LRRIQ1: variants seen among roughly 807,000 people sequenced by gnomAD.
The protein encoded by LRRIQ1 is leucine-rich repeat- and IQ domain-containing protein 1.
A neutral mutation model predicts 211.9 loss-of-function variants in LRRIQ1; 210 were observed. That is an observed-to-expected ratio of 0.99 (90% CI 0.89 to 1.11). LRRIQ1 has a LOEUF of 1.11. LRRIQ1 is among the 50% of genes most tolerant of loss of function. The probability of loss-of-function intolerance (pLI) is 0.00; values close to 1 mark genes in which losing one functional copy is unlikely to be tolerated. For synonymous variants in LRRIQ1, 699 were observed against 650.1 expected (o/e 1.08, Z -1.14); for missense variants, 2,136 against 1,939.5 (o/e 1.10, Z -1.90).
chr12:85,068,298 G>A (rs1882662188), intron 10 of LRRIQ1, among the ~76,000 whole-genome samples: 2 of 151,824 alleles, frequency 1.3e-5, no homozygotes, highest in Non-Finnish European at 2.9e-5. Flanking sequence ...TAGAAAGGGT[G>A]TAGATAGAGG....
At position 85,121,878 on chromosome 12, in the gene LRRIQ1, T is replaced by C; in HGVS notation, c.3557+2T>C. 1 of 1,591,318 alleles carries C rather than the reference T, an allele frequency of 6.3e-7. No homozygotes were observed. The highest frequency in any genetic ancestry group is 8.6e-7 in the Non-Finnish European group (1 of 1,168,484). On this transcript the variant is annotated splice_donor_variant, in intron 16 of 26. Transcript: ENST00000393217. LOFTEE classifies it high-confidence loss of function. The stretch of plus-strand genomic sequence containing the variant: ...TGAAAATTATATAACTGGAAAAGGG[T>C]AAGATTGTGATCTTCCCATTGATGT...
At chr12:85,101,501 C>G (rs1460723313) in intron 13 of LRRIQ1, among the ~76,000 whole-genome samples, 1 of 151,688 alleles carries the variant, frequency 6.6e-6, no homozygotes. Flanking sequence ...AAATTTATAT[C>G]TTTTTAATGC....
At chr12:85,233,837 C>T (rs986339276) in intron 26 of LRRIQ1, among the ~76,000 whole-genome samples, 3 of 152,112 alleles carry the variant, frequency 2.0e-5, no homozygotes, top group Non-Finnish European at 4.4e-5. Context: ...TAACACTACA[C>T]ATATTATTGA....
chr12:85,253,659 T>G, intron 1 of LRRIQ1, among the ~76,000 whole-genome samples: 1 of 152,042 alleles, frequency 6.6e-6, no homozygotes, highest in East Asian at 1.9e-4. Context: ...CATAAAATAG[T>G]AGGCCAAAGA....
At chr12:85,074,665 G>A (rs1243903422) in intron 11 of LRRIQ1, among the ~76,000 whole-genome samples, 1 of 151,790 alleles carries the variant, frequency 6.6e-6, no homozygotes, top group Admixed American at 6.6e-5. Context: ...TTTTAAATAA[G>A]AAAATCTTTC....
intron 24 of LRRIQ1, among the ~76,000 whole-genome samples, chr12:85,199,839 G>A (rs886532460): frequency 7.9e-5 from 12 of 152,048 alleles, no homozygotes; most frequent in African/African-American, 2.9e-4. Flanking sequence ...GGGAATTATG[G>A]GGATTACAAT....
chr12:85,158,000 A>G (rs560351860), intron 23 of LRRIQ1, among the ~76,000 whole-genome samples: 1 of 152,062 alleles, frequency 6.6e-6, no homozygotes, highest in South Asian at 2.1e-4. Flanking sequence ...AATAGTATAG[A>G]CAAAACTCTA....
At chr12:85,260,799 G>GA (rs1175454120) in intron 1 of LRRIQ1, among the ~76,000 whole-genome samples, 1 of 152,038 alleles carries the variant, frequency 6.6e-6, no homozygotes, top group Non-Finnish European at 1.5e-5. Context: ...TGTTATCTGG[G>GA]AAAAAATATC....
At chr12:85,060,750 A>G (rs1049451072) in intron 8 of LRRIQ1, among the ~76,000 whole-genome samples, 1 of 151,936 alleles carries the variant, frequency 6.6e-6, no homozygotes, top group Non-Finnish European at 1.5e-5. Context: ...GAAAAAGTAA[A>G]AAAAAAATAA....
intron 24 of LRRIQ1, among the ~76,000 whole-genome samples, chr12:85,174,339 A>G (rs1315960521): frequency 1.3e-5 from 2 of 151,924 alleles, no homozygotes; most frequent in African/African-American, 4.8e-5. Flanking sequence ...AAAATACTAG[A>G]ATAACATACA....
intron 24 of LRRIQ1, among the ~76,000 whole-genome samples, chr12:85,203,914 C>T (rs1893415694): frequency 1.3e-5 from 2 of 152,074 alleles, no homozygotes; most frequent in Non-Finnish European, 2.9e-5. Context: ...TAACGAGGAC[C>T]CAAATGTTAA....
In LRRIQ1 at chr12:85,066,824, C is replaced by A. The variant is rs370265962; in HGVS notation, c.2621C>A (p.Thr874Asn). ...GTTCTTCTTAATAAAAATCAACTGA[C>A]TTCTCTTCATGGTTTGGATGGCTGT... is the stretch of plus-strand genomic sequence containing the variant. ...CVVLLNKNQL[T>N]SLHGLDGCTN... is the part of the protein sequence containing the mutation. Residue 874 changes from threonine (T) to asparagine (N), a missense_variant, in exon 10 of 27, where the codon ACT becomes AAT. By Grantham distance (65) the Thr-to-Asn change is moderately conservative. Coordinates refer to ENST00000393217, the MANE Select transcript of LRRIQ1 (RefSeq NM_001079910.2). 165 of 1,594,790 alleles carry A rather than the reference C, an allele frequency of 1.0e-4. No individual in the cohort carries two copies. Among genetic ancestry groups the A allele is most frequent in the Non-Finnish European group, 1.4e-4 (162 of 1,167,672 alleles).
intron 13 of LRRIQ1, among the ~76,000 whole-genome samples, chr12:85,102,391 C>T (rs1476982560): frequency 6.6e-6 from 1 of 151,650 alleles, no homozygotes; most frequent in Non-Finnish European, 1.5e-5. Flanking sequence ...ATGGCCAATA[C>T]ATTCTCACTT....
chr12:85,062,050 A>G (rs1456104190), intron 8 of LRRIQ1, among the ~76,000 whole-genome samples: 1 of 151,886 alleles, frequency 6.6e-6, no homozygotes, highest in Non-Finnish European at 1.5e-5. Context: ...TTTAATGCAC[A>G]GGAAATGTTC....
chr12:85,128,602 A>C (rs1888545653), intron 18 of LRRIQ1, among the ~76,000 whole-genome samples: 1 of 152,144 alleles, frequency 6.6e-6, no homozygotes, highest in African/African-American at 2.4e-5. Context: ...TTGTCTCAAA[A>C]AACAACAACA....
chr12:85,136,116 A>G (rs1054764054), intron 18 of LRRIQ1, among the ~76,000 whole-genome samples: 2 of 151,920 alleles, frequency 1.3e-5, no homozygotes, highest in African/African-American at 4.8e-5. Flanking sequence ...TACTGACATT[A>G]TCATAATTGC....
intron 24 of LRRIQ1, among the ~76,000 whole-genome samples, chr12:85,196,615 G>T (rs1017045362): frequency 1.3e-5 from 2 of 152,134 alleles, no homozygotes; most frequent in African/African-American, 4.8e-5. Context: ...GGGAAAACTG[G>T]CTAGCCATAT....
At chr12:85,151,616 A>G (rs1357951031) in intron 19 of LRRIQ1, among the ~76,000 whole-genome samples, 1 of 151,664 alleles carries the variant, frequency 6.6e-6, no homozygotes, top group Non-Finnish European at 1.5e-5. Context: ...AGCAGGTTCC[A>G]TTGTGGAAAG....
At chr12:85,055,420 A>G in intron 7 of LRRIQ1, 127 bp from the exon 8 acceptor site, 1 of 741,132 alleles carries the variant, frequency 1.3e-6, no homozygotes, top group Non-Finnish European at 1.9e-6. Context: ...TTCTCTAAAT[A>G]AATTTTATAG....
Sources: gnomAD v4.1 joint callset for allele counts (sites outside exome capture counted in the v4.1 genomes callset) on GRCh38, gnomAD v4.1.1 for gene constraint, MANE v1.5 for transcripts, NCBI Gene and HGNC (gene_info 2026-07-23, HGNC 2026-07-21) for gene names.